ZZEF1: variants seen among roughly 807,000 people sequenced by gnomAD.
ZZEF1 encodes zinc finger ZZ-type and EF-hand domain-containing protein 1.
Under a neutral mutation model 342.8 loss-of-function variants are expected in ZZEF1, and 157 were observed. That is an observed-to-expected ratio of 0.46 (90% CI 0.40 to 0.52). ZZEF1 has a LOEUF of 0.52. ZZEF1 is among the 20% of genes least tolerant of loss of function. The probability of loss-of-function intolerance (pLI) is 0.00; values close to 1 mark genes in which losing one functional copy is unlikely to be tolerated. For missense variants in ZZEF1, 3,480 were observed against 3,725.6 expected (o/e 0.93, Z 1.72); for synonymous variants, 1,505 against 1,429.1 (o/e 1.05, Z -1.20).
At chr17:4,140,060 GA>G (rs1319646854) in intron 1 of ZZEF1, among the ~76,000 whole-genome samples, 2 of 152,208 alleles carry the variant, frequency 1.3e-5, no homozygotes, top group Admixed American at 6.5e-5. Flanking sequence ...TTACTAAGTG[GA>G]AGATGTCCGT....
chr17:4,129,091 T>TTACTAACTAATTTACA (rs1555612759), intron 1 of ZZEF1, among the ~76,000 whole-genome samples: 1 of 152,090 alleles, frequency 6.6e-6, no homozygotes, highest in Non-Finnish European at 1.5e-5. Flanking sequence ...AATACCAACT[T>TTACTAACTAATTTACA]TACTAAGGTA....
rs775548729 is a variant in ZZEF1, at chr17:4,050,845, G to T, written c.5799C>A (p.Thr1933=). The T allele has an allele frequency of 1.2e-6, 2 of 1,614,168 alleles. No individual in the cohort carries two copies. The highest frequency in any genetic ancestry group is 1.7e-6 in the Non-Finnish European group (2 of 1,180,020). The stretch of plus-strand genomic sequence containing the variant: ...GCTGCATGCACTGGCTCCGCAGGGT[G>T]GTGGCACTGCTGCGCGTCTGGGGGT... ...KLDPQTRSSA[T]TLRSQCMQLV... The change falls in exon 36 of 55, where the codon ACC becomes ACA. Residue 1933 remains threonine, a synonymous_variant. Transcript: ENST00000381638.
chr17:4,072,640 A>G lies in ZZEF1; in HGVS notation c.3802T>C (p.Trp1268Arg). ...VCPELELEAS[W>R]PTHPHRNSKE... ...CTATTCCGGTGTGGGTGAGTGGGCCAGCTTGCTTCTAATTCCAACTCTGGA... is the reference window on the plus strand; with the variant it reads ...CTATTCCGGTGTGGGTGAGTGGGCCGGCTTGCTTCTAATTCCAACTCTGGA... The change falls in exon 25 of 55, where the codon TGG (tryptophan) becomes CGG (arginine). Residue 1268 changes from tryptophan to arginine, a missense_variant. Coordinates refer to ENST00000381638, the MANE Select transcript of ZZEF1 (RefSeq NM_015113.4). 1 of 1,614,048 alleles carries G rather than the reference A, an allele frequency of 6.2e-7. No individual in the cohort carries two copies.
rs1192840255 is a variant in ZZEF1, at chr17:4,123,959, C to G, written c.447G>C (p.Gln149His). Residue 149 changes from glutamine to histidine, a missense_variant, in exon 2 of 55, where the codon CAG becomes CAC. Physicochemically the swap from Gln to His is conservative, Grantham distance 24 (BLOSUM62 0). Transcript: ENST00000381638. ...ALKNSSGANLQGELSHIIRQL... is the reference protein window; with the variant it reads ...ALKNSSGANLHGELSHIIRQL... ...GTCTGATGATGTGGCTCAGCTCCCC[C>G]TGAAGATTAGCTCCACTGGAATTCT... 2.5e-6 allele frequency: 4 copies of G among 1,614,028 alleles called. No homozygotes were observed. Among genetic ancestry groups the G allele is most frequent in the South Asian group, 2.2e-5 (2 of 91,074 alleles).
intron 9 of ZZEF1, among the ~76,000 whole-genome samples, chr17:4,097,196 G>A (rs901115032): frequency 2.6e-5 from 4 of 151,104 alleles, no homozygotes; most frequent in African/African-American, 7.3e-5. Flanking sequence ...GGGAGGCGGA[G>A]CTTGGAGATT....
intron 52 of ZZEF1, among the ~76,000 whole-genome samples, chr17:4,011,939 G>T (rs1333435592): frequency 6.6e-6 from 1 of 152,186 alleles, no homozygotes; most frequent in Non-Finnish European, 1.5e-5. Flanking sequence ...TCCGGGCCAA[G>T]CCCTCAGGCA....
At chr17:4,087,653 T>C (rs1325617281) in intron 13 of ZZEF1, 119 bp from the exon 14 acceptor site, 3 of 834,460 alleles carry the variant, frequency 3.6e-6, no homozygotes, top group Non-Finnish European at 5.5e-6. Context: ...AGTGAGACTT[T>C]CATATTACTG....
intron 11 of ZZEF1, among the ~76,000 whole-genome samples, chr17:4,092,299 CTTT>C (rs367934690): frequency 2.5e-5 from 3 of 118,396 alleles, no homozygotes; most frequent in Admixed American, 1.9e-4. Flanking sequence ...AAACATGTCC[CTTT>C]TTTTTTTTTT....
intron 39 of ZZEF1, among the ~76,000 whole-genome samples, chr17:4,035,716 T>A (rs906882912): frequency 1.3e-5 from 2 of 152,108 alleles, no homozygotes; most frequent in African/African-American, 4.8e-5. Flanking sequence ...CCAAACAGCA[T>A]AAGGAGAGTG....
At chr17:4,010,215 A>AC (rs398119640) in intron 52 of ZZEF1, among the ~76,000 whole-genome samples, 2 of 151,554 alleles carry the variant, frequency 1.3e-5, no homozygotes, top group African/African-American at 4.9e-5. Context: ...CAAAAAAAAA[A>AC]CCTAGCTGTG....
chr17:4,106,006 G>A (rs2058206578), intron 6 of ZZEF1, among the ~76,000 whole-genome samples, 197 bp from the exon 7 acceptor site: 1 of 152,082 alleles, frequency 6.6e-6, no homozygotes, highest in Non-Finnish European at 1.5e-5. Flanking sequence ...CTAGAGTGCA[G>A]TGGTGCGATC....
rs35284780 is a variant in ZZEF1 at position 4,044,294 on chromosome 17, C to T, written c.6096G>A (p.Ser2032=). 76,036 of 1,613,902 alleles carry T rather than the reference C, an allele frequency of 0.047. 2,166 individuals are homozygous for T. The highest frequency in any genetic ancestry group is 0.055 in the Middle Eastern group (336 of 6,062). Residue 2032 remains serine (S), a synonymous_variant, in exon 38 of 55, where the codon TCG becomes TCA. Transcript: ENST00000381638. ...RNKADKGVSL[S]KDPSCQTQIS... ...TTTGGGTCTGGCATGAAGGATCCTT[C>T]GATAATGATACACCTTTATCTGCCT...
intron 5 of ZZEF1, among the ~76,000 whole-genome samples, chr17:4,111,089 T>C (rs1252301980): frequency 6.6e-6 from 1 of 152,168 alleles, no homozygotes; most frequent in Non-Finnish European, 1.5e-5. Flanking sequence ...CAAAAGAACA[T>C]GCAAAGAATA....
Position 4,097,575 on chromosome 17 carries a change from A to C in ZZEF1, c.1673-875T>G, listed in dbSNP as rs77077838. Among the ~76,000 whole-genome samples the C allele has an allele frequency of 5.7e-3, 868 of 151,952 alleles. 9 individuals carry two copies. The highest frequency in any genetic ancestry group is 0.02 in the African/African-American group (836 of 41,436). The stretch of plus-strand genomic sequence containing the variant: ...TTTATGGTCTCTAAACTATTTTACA[A>C]TTCTGTAAGTTGTAGAACACTGGTA... On this transcript the variant is annotated intron_variant, in intron 9 of 54. Coordinates refer to ENST00000381638, the MANE Select transcript of ZZEF1 (RefSeq NM_015113.4).
intron 24 of ZZEF1, among the ~76,000 whole-genome samples, chr17:4,073,492 T>C (rs1436551245): frequency 6.6e-6 from 1 of 152,224 alleles, no homozygotes; most frequent in Admixed American, 6.5e-5. Context: ...AGTGCAGCAG[T>C]ATGATCACAG....
chr17:4,049,818 C>A lies in ZZEF1; in HGVS notation c.5905G>T (p.Asp1969Tyr). The change falls in exon 37 of 55, where the codon GAC (aspartate) becomes TAC (tyrosine). Residue 1969 changes from aspartate to tyrosine, a missense_variant. Coordinates refer to ENST00000381638, the MANE Select transcript of ZZEF1 (RefSeq NM_015113.4). Reference protein sequence around the residue: ...LALLGVLPDGDSSLEDQALPV... With the variant: ...LALLGVLPDGYSSLEDQALPV... ...AGGGCCTGATCTTCTAGGCTCGAGT[C>A]CCCATCTGGCAATACACCCAGCAAA... 1 of 1,614,084 alleles carries A rather than the reference C, an allele frequency of 6.2e-7. No individual in the cohort carries two copies. Among genetic ancestry groups the A allele is most frequent in the South Asian group, 1.1e-5 (1 of 91,074 alleles).
rs112360882 is a variant in ZZEF1 at position 4,095,661 on chromosome 17, T to C, written c.1913+170A>G. 2.7e-3 allele frequency among the ~76,000 whole-genome samples: 418 copies of C among 152,338 alleles called. 9 individuals carry two copies. Among genetic ancestry groups the C allele is most frequent in the African/African-American group, 9.5e-3 (395 of 41,572 alleles). ...ACAAATTAACATACACATCTTCAGA[T>C]ATGCTACTAGAAAGCAATGAAGGCT... is the stretch of plus-strand genomic sequence containing the variant. On this transcript the variant is annotated intron_variant, in intron 11 of 54. Transcript: ENST00000381638.
chr17:4,006,337 G>A lies in ZZEF1; in HGVS notation c.*553C>T, dbSNP rs1348909945. ...TTCTCTGGGAGGGTGCGGCCGTGCA[G>A]GGAGCTAGCTCGATGCCTGGTTCTG... On this transcript the variant is annotated 3_prime_UTR_variant, in exon 55 of 55. Coordinates refer to ENST00000381638, the MANE Select transcript of ZZEF1 (RefSeq NM_015113.4). The A allele has an allele frequency of 6.0e-6, 1 of 165,550 alleles. No homozygotes were observed. Among genetic ancestry groups the A allele is most frequent in the Non-Finnish European group, 1.3e-5 (1 of 75,620 alleles). The allele number at this position is 165,550 out of a possible 1,614,324, so 10.3% of individuals were successfully genotyped here.
chr17:4,118,885 T>C (rs759108623), intron 2 of ZZEF1, among the ~76,000 whole-genome samples: 3 of 152,208 alleles, frequency 2.0e-5, no homozygotes, highest in Non-Finnish European at 2.9e-5. Context: ...GTCCAGTGTG[T>C]TTGCTACTTC....
Sources: allele counts gnomAD v4.1 joint callset (sites outside exome capture counted in the v4.1 genomes callset), GRCh38; gene constraint gnomAD v4.1.1; transcripts MANE v1.5; gene names NCBI Gene and HGNC (gene_info 2026-07-23, HGNC 2026-07-21).